CCDC3: variants seen among roughly 807,000 people sequenced by gnomAD.
The protein encoded by CCDC3 is coiled-coil domain containing 3.
Under a neutral mutation model 21.4 loss-of-function variants are expected in CCDC3, and 24 were observed. The ratio of observed to expected loss-of-function variants is 1.12; its 90% CI spans 0.81 to 1.58. CCDC3 has a LOEUF of 1.58. Among genes scored for constraint, CCDC3 ranks in the 40% most tolerant of loss-of-function variants. The probability of loss-of-function intolerance (pLI) is 0.00; values close to 1 mark genes in which losing one functional copy is unlikely to be tolerated. For missense variants in CCDC3, 425 were observed against 360.9 expected, an observed-to-expected ratio of 1.18 and a Z score of -1.44; for synonymous variants, 186 against 166.0, an observed-to-expected ratio of 1.12 and a Z score of -0.93.
intron 5 of CCDC3, among the ~76,000 whole-genome samples, chr10:13,036,013 ATGCACCT>A (rs1407806848): frequency 1.3e-5 from 2 of 152,098 alleles, no homozygotes; most frequent in Non-Finnish European, 2.9e-5. Context: ...GTGTGGTGAT[ATGCACCT>A]GCAGTCCCGG....
intron 3 of CCDC3, among the ~76,000 whole-genome samples, chr10:13,098,307 G>C (rs928763664): frequency 2.0e-5 from 3 of 152,156 alleles, no homozygotes; most frequent in Admixed American, 6.5e-5. Context: ...TCATAGTGTT[G>C]TTTTGTTCTC....
Position 13,001,391 on chromosome 10 carries a change from G to A in CCDC3, c.180C>T (p.Asn60=), listed in dbSNP as rs1835851755. 1.3e-6 allele frequency: 2 copies of A among 1,581,982 alleles called. No homozygotes were observed. The highest frequency in any genetic ancestry group is 1.3e-5 in the African/African-American group (1 of 74,416). The stretch of plus-strand genomic sequence containing the variant: ...CGGCGTGGTACTGCCAGGGCAGGTG[G>A]TTGTAGAGGCCGGGCGCCTCGGGGT... ...ALHPEAPGLY[N]HLPWQYHAGQ... is the part of the protein sequence containing the mutation. The change falls in exon 1 of 3, where the codon AAC becomes AAT. Residue 60 remains asparagine (N), a synonymous_variant. Transcript: ENST00000378825.
At chr10:12,920,171 G>T (rs1219548528) in intron 2 of CCDC3, among the ~76,000 whole-genome samples, 1 of 152,162 alleles carries the variant, frequency 6.6e-6, no homozygotes, top group East Asian at 1.9e-4. Flanking sequence ...AATCATGGTG[G>T]AAGGTGAAAG....
intron 2 of CCDC3, among the ~76,000 whole-genome samples, chr10:12,940,923 A>G (rs1834819141): frequency 6.6e-6 from 1 of 151,280 alleles, no homozygotes; most frequent in African/African-American, 2.4e-5. Context: ...ATCCCTGAGT[A>G]GGAATTGCTG....
At chr10:12,998,286 G>C in intron 2 of CCDC3, 52 bp downstream of exon 2, 5 of 1,569,490 alleles carry the variant, frequency 3.2e-6, no homozygotes, top group Non-Finnish European at 3.5e-6. Flanking sequence ...ATTCACACAA[G>C]GTGTAGCTAT....
intron 5 of CCDC3, among the ~76,000 whole-genome samples, chr10:13,042,409 A>T (rs886142953): frequency 6.6e-6 from 1 of 152,216 alleles, no homozygotes; most frequent in Non-Finnish European, 1.5e-5. Context: ...CCGCCACAGG[A>T]CAGTTTCCAT....
chr10:12,916,159 C>T (rs554238764), intron 2 of CCDC3, among the ~76,000 whole-genome samples: 14 of 152,282 alleles, frequency 9.2e-5, no homozygotes, highest in Non-Finnish European at 1.3e-4. Flanking sequence ...CTGGGCCAGG[C>T]GCAGTGGTTC....
intron 3 of CCDC3, among the ~76,000 whole-genome samples, chr10:13,088,002 G>A (rs554717364): frequency 3.3e-5 from 5 of 152,178 alleles, no homozygotes; most frequent in Admixed American, 6.5e-5. Flanking sequence ...CTTTGTGTGC[G>A]TTTGAGAAAG....
chr10:13,062,292 C>G (rs571502713), intron 4 of CCDC3, among the ~76,000 whole-genome samples: 2 of 152,092 alleles, frequency 1.3e-5, no homozygotes, highest in African/African-American at 2.4e-5. Flanking sequence ...ACTGACTAAC[C>G]GAGTTTCCCT....
chr10:12,898,377 T>C lies in CCDC3; in HGVS notation c.*39A>G, dbSNP rs10752280. 0.99 allele frequency: 1,515,918 copies of C among 1,538,436 alleles called. 747,171 individuals are homozygous for C. The highest frequency in any genetic ancestry group is 1 in the East Asian group (44,050 of 44,056). ...AAACCTCACTCATTCTCAATTACCGTCAGGATTGGCCCTGCACACCTGGCA... is the reference window on the plus strand; with the variant it reads ...AAACCTCACTCATTCTCAATTACCGCCAGGATTGGCCCTGCACACCTGGCA... On this transcript the variant is annotated 3_prime_UTR_variant, in exon 3 of 3. Coordinates refer to ENST00000378825, the MANE Select transcript of CCDC3 (RefSeq NM_031455.4).
chr10:13,012,071 A>G (rs1431509074), intron 5 of CCDC3, among the ~76,000 whole-genome samples: 36 of 152,218 alleles, frequency 2.4e-4, no homozygotes, highest in Admixed American at 2.3e-3. Context: ...AGACCTAAAT[A>G]TAAAACCTAA....
chr10:13,040,393 C>T (rs905197110), intron 5 of CCDC3, among the ~76,000 whole-genome samples: 1 of 152,156 alleles, frequency 6.6e-6, no homozygotes, highest in South Asian at 2.1e-4. Context: ...CAACCAGCAA[C>T]GTGAGTCATC....
At chr10:13,021,121 T>G (rs1478552838) in intron 5 of CCDC3, among the ~76,000 whole-genome samples, 1 of 152,254 alleles carries the variant, frequency 6.6e-6, no homozygotes, top group Non-Finnish European at 1.5e-5. Context: ...GTATAGACTA[T>G]AGCAATGTTA....
In CCDC3 at chr10:12,901,046, A is replaced by T. The variant is rs1002870089; in HGVS notation, c.550-2367T>A. ...TTCTTTGGAGCACCTGTATCCAAGG[A>T]CTGGCTGACACCAGGGTATGAAGAC... On this transcript the variant is annotated intron_variant, in intron 2 of 2. Coordinates refer to ENST00000378825, the MANE Select transcript of CCDC3 (RefSeq NM_031455.4). Among the ~76,000 whole-genome samples, 7 of 152,136 alleles carry T rather than the reference A, an allele frequency of 4.6e-5. No individual in the cohort carries two copies. In the South Asian group the frequency reaches 6.2e-4, roughly 14 times the overall value.
intron 5 of CCDC3, among the ~76,000 whole-genome samples, chr10:13,043,742 A>G (rs1182974495): frequency 1.3e-5 from 2 of 152,198 alleles, no homozygotes; most frequent in African/African-American, 4.8e-5. Context: ...CATTTTCTTT[A>G]TCCAGTACAG....
At chr10:13,057,033 T>C (rs1299223571) in intron 4 of CCDC3, among the ~76,000 whole-genome samples, 1 of 152,144 alleles carries the variant, frequency 6.6e-6, no homozygotes, top group Non-Finnish European at 1.5e-5. Flanking sequence ...AGCTCTTGCA[T>C]GTAATCCCAG....
Position 13,001,605 on chromosome 10 carries a change from G to A in CCDC3, c.-35C>T, listed in dbSNP as rs1835856976. 1 of 1,109,452 alleles carries A rather than the reference G, an allele frequency of 9.0e-7. No individual in the cohort carries two copies. Among genetic ancestry groups the A allele is most frequent in the Non-Finnish European group, 1.1e-6 (1 of 910,586 alleles). The allele number at this position is 1,109,452 out of a possible 1,614,324, so 68.7% of individuals were successfully genotyped here. Reference sequence around the variant, plus strand: ...TCCCGGGGCGCACGGGGCGGCGGCGGGGAGCCCGGGGAGCCCGCCGGCCCG... The same window carrying A: ...TCCCGGGGCGCACGGGGCGGCGGCGAGGAGCCCGGGGAGCCCGCCGGCCCG... On this transcript the variant is annotated 5_prime_UTR_variant, in exon 1 of 3. Coordinates refer to ENST00000378825, the MANE Select transcript of CCDC3 (RefSeq NM_031455.4).
intron 5 of CCDC3, among the ~76,000 whole-genome samples, chr10:13,048,391 A>G (rs1325464100): frequency 5.3e-5 from 8 of 151,944 alleles, no homozygotes; most frequent in Admixed American, 5.2e-4. Context: ...ACGGGGTTTC[A>G]CCATGTTGGC....
At chr10:12,932,941 T>C (rs1834672317) in intron 2 of CCDC3, among the ~76,000 whole-genome samples, 1 of 152,250 alleles carries the variant, frequency 6.6e-6, no homozygotes, top group South Asian at 2.1e-4. Flanking sequence ...CTTCTCTAGC[T>C]TGTCATGATG....
Sources: gnomAD v4.1 joint callset for allele counts (sites outside exome capture counted in the v4.1 genomes callset) on GRCh38, gnomAD v4.1.1 for gene constraint, MANE v1.5 for transcripts, NCBI Gene and HGNC (gene_info 2026-07-23, HGNC 2026-07-21) for gene names.